LPP: variants seen among roughly 807,000 people sequenced by gnomAD.
LPP encodes lipoma-preferred partner.
Under a neutral mutation model 60.4 loss-of-function variants are expected in LPP, and 38 were observed. The ratio of observed to expected loss-of-function variants is 0.63; its 90% CI spans 0.49 to 0.83. LPP has a LOEUF of 0.83. LPP is among the 40% of genes least tolerant of loss of function. The probability of loss-of-function intolerance (pLI) is 0.00; values close to 1 mark genes in which losing one functional copy is unlikely to be tolerated. For missense variants in LPP, 902 were observed against 783.6 expected (o/e 1.15, Z -1.80); for synonymous variants, 328 against 290.8 (o/e 1.13, Z -1.30).
intron 7 of LPP, among the ~76,000 whole-genome samples, chr3:188,706,179 CTAATAAA>C (rs1233942520): frequency 6.6e-6 from 1 of 152,276 alleles, no homozygotes; most frequent in East Asian, 1.9e-4. Context: ...TTAATGTTTG[CTAATAAA>C]TAAGTCAGTC....
At chr3:188,155,730 T>A (rs1033864997) in intron 1 of LPP, among the ~76,000 whole-genome samples, 1 of 151,840 alleles carries the variant, frequency 6.6e-6, no homozygotes, top group East Asian at 1.9e-4. Context: ...AAAAAGTGTG[T>A]GGGCCAGGCA....
At chr3:188,456,449 T>C (rs909701942) in intron 4 of LPP, among the ~76,000 whole-genome samples, 1 of 152,252 alleles carries the variant, frequency 6.6e-6, no homozygotes. Context: ...ACAGGTATGT[T>C]ACTATAAGAA....
At chr3:188,762,911 G>A (rs1320371189) in intron 9 of LPP, among the ~76,000 whole-genome samples, 2 of 151,936 alleles carry the variant, frequency 1.3e-5, no homozygotes, top group Non-Finnish European at 2.9e-5. Context: ...GTTCAATATT[G>A]ATTCGAGTTC....
At position 188,708,299 on chromosome 3, in the gene LPP, A is replaced by T. The variant is rs563053251; in HGVS notation, c.1146A>T (p.Ser382=). ...GGHSGQLGPS[S]VAPSFRPEDE... ...ATTCAGGGCAACTGGGGCCTTCGTCAGTTGCCCCTTCATTCCGCCCAGAGG... is the reference window on the plus strand; with the variant it reads ...ATTCAGGGCAACTGGGGCCTTCGTCTGTTGCCCCTTCATTCCGCCCAGAGG... Residue 382 remains serine (S), a synonymous_variant, in exon 8 of 12, where the codon TCA becomes TCT. Coordinates refer to ENST00000617246, the MANE Select transcript of LPP (RefSeq NM_001375462.1). The T allele has an allele frequency of 9.5e-5, 153 of 1,614,152 alleles. 3 individuals carry two copies. The South Asian group carries it at 1.6e-3, about 17-fold the overall frequency.
chr3:188,615,921 T>G (rs779234679), intron 7 of LPP, among the ~76,000 whole-genome samples: 11 of 152,204 alleles, frequency 7.2e-5, no homozygotes, highest in Non-Finnish European at 1.2e-4. Context: ...TTGTCCACTT[T>G]TTGATGAGGT....
At chr3:188,560,931 A>T (rs1191208066) in intron 6 of LPP, among the ~76,000 whole-genome samples, 2 of 152,130 alleles carry the variant, frequency 1.3e-5, no homozygotes, top group Non-Finnish European at 2.9e-5. Context: ...AGGAAACAGG[A>T]TGGGAGATGA....
chr3:188,531,678 G>T (rs565166801), intron 6 of LPP, among the ~76,000 whole-genome samples: 1 of 152,214 alleles, frequency 6.6e-6, no homozygotes, highest in African/African-American at 2.4e-5. Flanking sequence ...CCAACTCTAT[G>T]GTAACAGAAG....
At chr3:188,561,753 C>T (rs1830742747) in intron 6 of LPP, among the ~76,000 whole-genome samples, 1 of 151,864 alleles carries the variant, frequency 6.6e-6, no homozygotes, top group Admixed American at 6.6e-5. Context: ...AGGAAATACT[C>T]ATTACATATA....
intron 7 of LPP, among the ~76,000 whole-genome samples, chr3:188,659,936 A>C (rs937595796): frequency 6.6e-6 from 1 of 151,490 alleles, no homozygotes; most frequent in Admixed American, 6.6e-5. Context: ...TTTGTCTCTC[A>C]TCCAAATGGT....
intron 2 of LPP, among the ~76,000 whole-genome samples, chr3:188,262,284 GTAGTCT>G (rs1236776218): frequency 6.6e-6 from 1 of 151,852 alleles, no homozygotes; most frequent in Non-Finnish European, 1.5e-5. Flanking sequence ...ACGATTATGG[GTAGTCT>G]TAAAATTCTT....
intron 7 of LPP, among the ~76,000 whole-genome samples, chr3:188,614,068 C>T (rs1174205182): frequency 2.6e-5 from 4 of 151,870 alleles, no homozygotes; most frequent in African/African-American, 9.7e-5. Flanking sequence ...GCTGGGATTA[C>T]AGGCTCCCGC....
At chr3:188,252,708 C>T (rs182024356) in intron 2 of LPP, among the ~76,000 whole-genome samples, 1 of 152,194 alleles carries the variant, frequency 6.6e-6, no homozygotes, top group Admixed American at 6.5e-5. Context: ...ATTTAATGTC[C>T]ATATGTATTC....
intron 10 of LPP, 113 bp from the exon 11 acceptor site, chr3:188,872,530 C>A: frequency 1.8e-6 from 2 of 1,130,718 alleles, no homozygotes; most frequent in Non-Finnish European, 2.6e-6. Flanking sequence ...CCTCACCTTA[C>A]GGATGAGGAA....
chr3:188,183,837 A>T (rs111827893), intron 1 of LPP, among the ~76,000 whole-genome samples: 2 of 152,040 alleles, frequency 1.3e-5, no homozygotes, highest in African/African-American at 4.8e-5. Flanking sequence ...AAAGTCCATG[A>T]CCTTAATTGT....
At chr3:188,814,174 T>C (rs1323435334) in intron 9 of LPP, among the ~76,000 whole-genome samples, 1 of 152,126 alleles carries the variant, frequency 6.6e-6, no homozygotes, top group East Asian at 1.9e-4. Flanking sequence ...CTCAATAGCA[T>C]GTTAATAGAT....
At chr3:188,725,116 G>C (rs1717888475) in intron 8 of LPP, among the ~76,000 whole-genome samples, 1 of 152,144 alleles carries the variant, frequency 6.6e-6, no homozygotes, top group South Asian at 2.1e-4. Flanking sequence ...CCTAATTTTG[G>C]ATGTGTGGTG....
chr3:188,620,542 T>C (rs1845620778), intron 7 of LPP, among the ~76,000 whole-genome samples: 1 of 152,232 alleles, frequency 6.6e-6, no homozygotes, highest in African/African-American at 2.4e-5. Context: ...TACATCACAT[T>C]ATATTTATAT....
intron 8 of LPP, among the ~76,000 whole-genome samples, chr3:188,757,889 G>GTTTT (rs750488243): frequency 0.055 from 4,262 of 78,044 alleles, 251 homozygotes; most frequent in South Asian, 0.13. Context: ...TGTTTTTTTG[G>GTTTT]TTTTTTTTTT....
intron 8 of LPP, among the ~76,000 whole-genome samples, chr3:188,721,628 A>G (rs1021248424): frequency 3.9e-5 from 6 of 152,216 alleles, no homozygotes; most frequent in African/African-American, 1.4e-4. Flanking sequence ...AGAAATGTGG[A>G]TATCATTCAA....
Sources: gnomAD v4.1 joint callset for allele counts (sites outside exome capture counted in the v4.1 genomes callset) on GRCh38, gnomAD v4.1.1 for gene constraint, MANE v1.5 for transcripts, NCBI Gene and HGNC (gene_info 2026-07-23, HGNC 2026-07-21) for gene names.